The following PLCB1 variants were observed in gnomAD, a reference collection of about 807,000 sequenced individuals.
PLCB1 encodes the protein 1-phosphatidylinositol 4,5-bisphosphate phosphodiesterase beta-1.
In PLCB1, 46 loss-of-function variants were observed where a neutral mutation model predicts 161.8. The ratio of observed to expected loss-of-function variants is 0.28; its 90% CI spans 0.22 to 0.36. The LOEUF is 0.36. Ranked by LOEUF, PLCB1 falls within the 10% of genes least tolerant of loss-of-function variation. The probability of loss-of-function intolerance (pLI) is 1.00; values close to 1 mark genes in which losing one functional copy is unlikely to be tolerated. For synonymous variants in PLCB1, 517 were observed against 503.7 expected (o/e 1.03, Z -0.35); for missense variants, 1,016 against 1,472.5 (o/e 0.69, Z 5.07).
intron 2 of PLCB1, among the ~76,000 whole-genome samples, chr20:8,186,613 G>A (rs1317375926): frequency 6.6e-6 from 1 of 152,140 alleles, no homozygotes; most frequent in Non-Finnish European, 1.5e-5. Flanking sequence ...AATAAAAGGA[G>A]GAACATCATC....
At chr20:8,881,297 G>A (rs1423748487) in intron 31 of PLCB1, among the ~76,000 whole-genome samples, 1 of 150,630 alleles carries the variant, frequency 6.6e-6, no homozygotes, top group Non-Finnish European at 1.5e-5. Flanking sequence ...GAGCCACCAC[G>A]CCCAGACTCT....
chr20:8,381,725 TC>T (rs1249365695), intron 3 of PLCB1, among the ~76,000 whole-genome samples: 2 of 152,226 alleles, frequency 1.3e-5, no homozygotes, highest in African/African-American at 4.8e-5. Flanking sequence ...TCTAGTTTAT[TC>T]GCATAGAGGT....
intron 3 of PLCB1, among the ~76,000 whole-genome samples, chr20:8,508,774 G>A (rs1011002509): frequency 6.6e-6 from 1 of 151,844 alleles, no homozygotes; most frequent in Non-Finnish European, 1.5e-5. Flanking sequence ...TTTAAAACAT[G>A]TATATGCTTT....
At chr20:8,815,305 C>T (rs1351217789) in intron 31 of PLCB1, among the ~76,000 whole-genome samples, 1 of 152,212 alleles carries the variant, frequency 6.6e-6, no homozygotes, top group Non-Finnish European at 1.5e-5. Flanking sequence ...GATTTATCTT[C>T]TCTTCCTTAA....
chr20:8,610,489 G>A (rs1176634218), intron 3 of PLCB1, among the ~76,000 whole-genome samples: 1 of 152,028 alleles, frequency 6.6e-6, no homozygotes, highest in Admixed American at 6.5e-5. Flanking sequence ...TTTCTCGTAG[G>A]TATATACCTA....
At position 8,511,340 on chromosome 20, in the gene PLCB1, A is replaced by T. The variant is rs77963481; in HGVS notation, c.247-116954A>T. 5.5e-3 allele frequency among the ~76,000 whole-genome samples: 844 copies of T among 152,318 alleles called. 11 individuals carry two copies. The highest frequency in any genetic ancestry group is 0.02 in the African/African-American group (819 of 41,578). ...TTTTAAGGCTGAACAGTGTATATATACATACAAAACATTTCTTTATCCATT... is the reference window on the plus strand; with the variant it reads ...TTTTAAGGCTGAACAGTGTATATATTCATACAAAACATTTCTTTATCCATT... On this transcript the variant is annotated intron_variant, in intron 3 of 31. Transcript: ENST00000338037.
chr20:8,389,168 C>T lies in PLCB1; in HGVS notation c.246+17718C>T, dbSNP rs60969953. Reference sequence around the variant, plus strand: ...AGTCTTTTCTGGGGTGGTATAATTTCCCAAATTTGAGAAGAGGTTGGTGTA... The same window carrying T: ...AGTCTTTTCTGGGGTGGTATAATTTTCCAAATTTGAGAAGAGGTTGGTGTA... On this transcript the variant is annotated intron_variant, in intron 3 of 31. Transcript: ENST00000338037. Among the ~76,000 whole-genome samples the T allele has an allele frequency of 5.0e-4, 76 of 152,192 alleles. 1 individual carries two copies. The East Asian group carries it at 0.011, about 22-fold the overall frequency.
intron 3 of PLCB1, among the ~76,000 whole-genome samples, chr20:8,372,388 C>G (rs533010660): frequency 6.6e-6 from 1 of 152,086 alleles, no homozygotes; most frequent in Non-Finnish European, 1.5e-5. Context: ...TCTTCAGAGG[C>G]GTAAAAAGGC....
chr20:8,669,512 T>G (rs1461451129), intron 9 of PLCB1, among the ~76,000 whole-genome samples: 2 of 152,232 alleles, frequency 1.3e-5, no homozygotes, highest in Non-Finnish European at 2.9e-5. Context: ...GAAGCCTTCA[T>G]GCTATTCTTG....
intron 9 of PLCB1, among the ~76,000 whole-genome samples, chr20:8,663,224 A>G (rs868390591): frequency 5.3e-4 from 81 of 151,998 alleles, no homozygotes; most frequent in Middle Eastern, 6.9e-3. Context: ...CACACAACAT[A>G]TAGTTGTGTG....
At chr20:8,802,507 T>C in intron 31 of PLCB1, 1 of 248,768 alleles carries the variant, frequency 4.0e-6, no homozygotes, top group Middle Eastern at 1.3e-3. Flanking sequence ...CAGACTATTA[T>C]TCCCACTTTG....
intron 2 of PLCB1, among the ~76,000 whole-genome samples, chr20:8,238,949 AT>A (rs1980469089): frequency 6.6e-6 from 1 of 151,858 alleles, no homozygotes; most frequent in South Asian, 2.1e-4. Context: ...GTGTAGCATC[AT>A]TGGTCGAAAG....
chr20:8,746,771 A>G (rs1429664620), intron 23 of PLCB1, among the ~76,000 whole-genome samples: 6 of 152,210 alleles, frequency 3.9e-5, no homozygotes, highest in Non-Finnish European at 5.9e-5. Context: ...CCTGTGCCAC[A>G]CAATTAGTAA....
intron 31 of PLCB1, among the ~76,000 whole-genome samples, chr20:8,855,997 A>G (rs1987053419): frequency 6.6e-6 from 1 of 152,176 alleles, no homozygotes; most frequent in African/African-American, 2.4e-5. Flanking sequence ...AGACCATATT[A>G]CTGTATTTAT....
At chr20:8,333,703 T>TA (rs1985455117) in intron 2 of PLCB1, among the ~76,000 whole-genome samples, 1 of 152,166 alleles carries the variant, frequency 6.6e-6, no homozygotes, top group Non-Finnish European at 1.5e-5. Flanking sequence ...AACCCTGTCT[T>TA]AGGAGCATGT....
intron 3 of PLCB1, among the ~76,000 whole-genome samples, chr20:8,472,574 A>G (rs544296687): frequency 1.6e-4 from 24 of 152,166 alleles, no homozygotes; most frequent in African/African-American, 5.5e-4. Context: ...GCCAGGTATG[A>G]TGGTGCATGC....
Position 8,782,511 on chromosome 20 carries a change from G to A in PLCB1, c.3112-5938G>A, listed in dbSNP as rs141056381. 5.3e-5 allele frequency among the ~76,000 whole-genome samples: 8 copies of A among 152,202 alleles called. No homozygotes were observed. The East Asian group carries it at 1.5e-3, about 29-fold the overall frequency. On this transcript the variant is annotated intron_variant, in intron 27 of 31. Coordinates refer to ENST00000338037, the MANE Select transcript of PLCB1 (RefSeq NM_015192.4). ...GGGCTTTAGTGGTCCTCCTACCTCA[G>A]CCTCCCAAGTAGCTGGGACTACAGG...
At chr20:8,842,679 T>C (rs1232079322) in intron 31 of PLCB1, among the ~76,000 whole-genome samples, 2 of 151,998 alleles carry the variant, frequency 1.3e-5, no homozygotes, top group East Asian at 3.9e-4. Context: ...TCTAAGGGGG[T>C]ATGAGTGAAA....
chr20:8,743,717 A>C (rs893635582), intron 23 of PLCB1, among the ~76,000 whole-genome samples: 9 of 152,206 alleles, frequency 5.9e-5, no homozygotes, highest in Non-Finnish European at 8.8e-5. Flanking sequence ...TGAGTTCCCT[A>C]TCTGAATTAA....
Sources: gnomAD v4.1 joint callset for allele counts (sites outside exome capture counted in the v4.1 genomes callset) on GRCh38, gnomAD v4.1.1 for gene constraint, MANE v1.5 for transcripts, NCBI Gene and HGNC (gene_info 2026-07-23, HGNC 2026-07-21) for gene names.